The following LOXL2 variants were observed in gnomAD, a reference collection of about 807,000 sequenced individuals.
The protein encoded by LOXL2 is lysyl oxidase like 2.
In LOXL2, 70 loss-of-function variants were observed where a neutral mutation model predicts 93.0. The ratio of observed to expected loss-of-function variants is 0.75; its 90% confidence interval spans 0.62 to 0.92. LOXL2 has a LOEUF of 0.92. Among genes scored for constraint, LOXL2 ranks in the 40% least tolerant of loss-of-function variants. The pLI, the probability that LOXL2 is intolerant of heterozygous loss-of-function variation, is 0.00. For synonymous variants in LOXL2, 438 were observed against 413.2 expected (o/e 1.06, Z -0.73); for missense variants, 973 against 1,054.9 (o/e 0.92, Z 1.08).
Position 23,377,466 on chromosome 8 carries a change from C to A in LOXL2, c.-83-9032G>T, listed in dbSNP as rs554667473. ...AGATGTCTATTAGGTCCGCTTGGTG[C>A]AGAGCTGAGTTCAATCCTGGATATC... On this transcript the variant is annotated intron_variant, in intron 1 of 13. Transcript: ENST00000389131. Among the ~76,000 whole-genome samples the A allele has an allele frequency of 2.0e-3, 224 of 110,060 alleles. 11 individuals are homozygous for A. The South Asian group carries it at 0.058, about 28-fold the overall frequency. The allele number at this position is 110,060 out of a possible 152,430, so 72.2% of individuals were successfully genotyped here. A position where few individuals can be genotyped will look rare whatever the true frequency, so the allele number is the denominator to read the frequency against.
chr8:23,333,149 C>G lies in LOXL2; in HGVS notation c.966+252G>C, dbSNP rs111248236. On this transcript the variant is annotated intron_variant, in intron 5 of 13. Transcript: ENST00000389131. ...GGACACAAGGTCCCTGTCGCACAAC[C>G]CTTCATCGTCTGCTCCTGCTGGGTA... 3.3e-5 allele frequency among the ~76,000 whole-genome samples: 5 copies of G among 152,306 alleles called. No homozygotes were observed. The East Asian group carries it at 5.8e-4, about 18-fold the overall frequency.
At chr8:23,318,948 A>G (rs1803449838) in intron 8 of LOXL2, among the ~76,000 whole-genome samples, 1 of 152,214 alleles carries the variant, frequency 6.6e-6, no homozygotes, top group African/African-American at 2.4e-5. Flanking sequence ...CATGGGAGAC[A>G]GTCAGGCTCA....
intron 10 of LOXL2, among the ~76,000 whole-genome samples, chr8:23,306,989 C>G (rs1803239392): frequency 6.6e-6 from 1 of 152,226 alleles, no homozygotes; most frequent in South Asian, 2.1e-4. Flanking sequence ...CTTTGTGTTT[C>G]AGCCAAGGGC....
chr8:23,374,559 C>A (rs1027395845), intron 1 of LOXL2, among the ~76,000 whole-genome samples: 1 of 152,204 alleles, frequency 6.6e-6, no homozygotes, highest in Non-Finnish European at 1.5e-5. Flanking sequence ...AGTTTACAGT[C>A]CCACCAACAG....
At chr8:23,376,330 G>C (rs1283159757) in intron 1 of LOXL2, among the ~76,000 whole-genome samples, 1 of 152,074 alleles carries the variant, frequency 6.6e-6, no homozygotes, top group Admixed American at 6.5e-5. Context: ...GTGCTGCTGG[G>C]TTCAGTTTGT....
chr8:23,353,704 C>T (rs1170960054), intron 3 of LOXL2, among the ~76,000 whole-genome samples: 3 of 152,200 alleles, frequency 2.0e-5, no homozygotes, highest in South Asian at 2.1e-4. Context: ...GGCAGCACTT[C>T]GAAGTCTGCA....
intron 3 of LOXL2, among the ~76,000 whole-genome samples, chr8:23,347,366 T>C (rs569636435): frequency 1.3e-3 from 188 of 147,922 alleles, no homozygotes; most frequent in African/African-American, 4.4e-3. Context: ...CAAAAATAAA[T>C]AAATAAATAG....
chr8:23,381,425 A>G (rs891032227), intron 1 of LOXL2, among the ~76,000 whole-genome samples: 9 of 152,360 alleles, frequency 5.9e-5, no homozygotes, highest in African/African-American at 1.9e-4. Context: ...GACTGTGCCA[A>G]TTGAAACCTC....
intron 1 of LOXL2, among the ~76,000 whole-genome samples, chr8:23,380,457 A>G (rs1804667040): frequency 6.6e-6 from 1 of 150,718 alleles, no homozygotes; most frequent in Non-Finnish European, 1.5e-5. Flanking sequence ...TGCTCTACCC[A>G]TTTTCCTGGA....
chr8:23,370,670 A>C (rs1472722093), intron 1 of LOXL2: 2 of 151,646 alleles, frequency 1.3e-5, no homozygotes, highest in Admixed American at 1.3e-4. Context: ...CCCGGAAGAT[A>C]CTCGCCAATT....
chr8:23,375,983 G>A (rs894782200), intron 1 of LOXL2, among the ~76,000 whole-genome samples: 2 of 152,158 alleles, frequency 1.3e-5, no homozygotes, highest in African/African-American at 4.8e-5. Context: ...ATGTTGAATA[G>A]GAGTGGTGAG....
chr8:23,317,603 T>A (rs1011994457), intron 8 of LOXL2, among the ~76,000 whole-genome samples: 3 of 152,214 alleles, frequency 2.0e-5, no homozygotes, highest in African/African-American at 7.2e-5. Flanking sequence ...TTAGACATGT[T>A]ATAAAGACGA....
intron 2 of LOXL2, among the ~76,000 whole-genome samples, chr8:23,361,175 AG>A: frequency 6.6e-6 from 1 of 152,252 alleles, no homozygotes; most frequent in East Asian, 1.9e-4. Flanking sequence ...CTGGGATTAC[AG>A]GCGTGAGGCA....
intron 1 of LOXL2, among the ~76,000 whole-genome samples, chr8:23,394,476 T>C (rs925826910): frequency 4.9e-5 from 7 of 143,008 alleles, no homozygotes; most frequent in African/African-American, 1.3e-4. Context: ...AAAGAAGATA[T>C]ACAAATGGCT....
chr8:23,395,203 G>A (rs924638459), intron 1 of LOXL2, among the ~76,000 whole-genome samples: 6 of 151,678 alleles, frequency 4.0e-5, no homozygotes, highest in Non-Finnish European at 7.4e-5. Flanking sequence ...GCAGTGAGCC[G>A]AGATGGCGCC....
Position 23,317,215 on chromosome 8 carries a change from G to C in LOXL2, c.1471-101C>G, listed in dbSNP as rs1585347162. ...CCTCACAAAAATCCCAATGTTTCAT[G>C]ATCCCATTTTTCAGATCGAAACAGC... On this transcript the variant is annotated intron_variant, in intron 8 of 13. Coordinates refer to ENST00000389131, the MANE Select transcript of LOXL2 (RefSeq NM_002318.3). 15 of 1,335,804 alleles carry C rather than the reference G, an allele frequency of 1.1e-5. No homozygotes were observed. The East Asian group carries it at 3.5e-4, about 31-fold the overall frequency. The allele number at this position is 1,335,804 out of a possible 1,614,324, so 82.7% of individuals were successfully genotyped here.
chr8:23,347,311 T>G (rs754140575), intron 3 of LOXL2, among the ~76,000 whole-genome samples: 1 of 151,824 alleles, frequency 6.6e-6, no homozygotes, highest in Non-Finnish European at 1.5e-5. Context: ...GAGCCGAGAT[T>G]GCGCCACTAC....
At chr8:23,390,564 C>T (rs1255320490) in intron 1 of LOXL2, among the ~76,000 whole-genome samples, 1 of 152,200 alleles carries the variant, frequency 6.6e-6, no homozygotes, top group Non-Finnish European at 1.5e-5. Flanking sequence ...TGGGGGTTCC[C>T]CGCAGCCCAC....
intron 1 of LOXL2, among the ~76,000 whole-genome samples, chr8:23,380,976 G>C (rs1460226078): frequency 6.6e-6 from 1 of 152,094 alleles, no homozygotes; most frequent in East Asian, 1.9e-4. Context: ...TTGTGATACT[G>C]TACTCCAAAC....
Sources: allele counts gnomAD v4.1 joint callset (sites outside exome capture counted in the v4.1 genomes callset), GRCh38; gene constraint gnomAD v4.1.1; transcripts MANE v1.5; gene names NCBI Gene and HGNC (gene_info 2026-07-23, HGNC 2026-07-21).